SHANK2: variants seen among roughly 807,000 people sequenced by gnomAD.
SHANK2 encodes SH3 and multiple ankyrin repeat domains 2, also known as SH3 and multiple ankyrin repeat domains protein 2.
In SHANK2, 43 loss-of-function variants were observed where a neutral mutation model predicts 133.7. The observed-to-expected ratio is 0.32, with a 90% CI of 0.25 to 0.41. The LOEUF (loss-of-function observed/expected upper bound fraction) is 0.41. Among genes scored for constraint, SHANK2 ranks in the 10% least tolerant of loss-of-function variants. The pLI is 1.00. For missense variants in SHANK2, 1,994 were observed against 2,235.8 expected (o/e 0.89, Z 2.18); for synonymous variants, 1,017 against 952.8 (o/e 1.07, Z -1.24).
chr11:70,655,670 C>G (rs1463355338), intron 17 of SHANK2, among the ~76,000 whole-genome samples: 4 of 152,176 alleles, frequency 2.6e-5, no homozygotes, highest in Non-Finnish European at 5.9e-5. Flanking sequence ...AAAAGTCATT[C>G]AAGAAACAAC....
At chr11:70,581,416 T>C (rs1319488884) in intron 17 of SHANK2, among the ~76,000 whole-genome samples, 1 of 152,142 alleles carries the variant, frequency 6.6e-6, no homozygotes, top group Admixed American at 6.5e-5. Context: ...CTAGGCCAGG[T>C]ACAGTGGCTC....
chr11:70,686,423 T>A (rs1326047811), intron 15 of SHANK2, among the ~76,000 whole-genome samples: 1 of 149,358 alleles, frequency 6.7e-6, no homozygotes, highest in Non-Finnish European at 1.5e-5. Flanking sequence ...CATCTACCCA[T>A]CCATCCATTC....
rs374962428 is a variant in SHANK2 at position 71,213,644 on chromosome 11, G to A, written c.-13+11053C>T. Among the ~76,000 whole-genome samples, 285 of 152,264 alleles carry A rather than the reference G, an allele frequency of 1.9e-3. 4 individuals carry two copies. Among genetic ancestry groups the A allele is most frequent in the Non-Finnish European group, 3.6e-3 (243 of 68,024 alleles). On this transcript the variant is annotated intron_variant, in intron 2 of 25. Coordinates refer to ENST00000601538, the MANE Select transcript of SHANK2 (RefSeq NM_012309.5). ...TCTCCTTCTGATGTTCCCCACACTCGGAAACTGACTCCCTGTGGGAAAAGG... is the reference window on the plus strand; with the variant it reads ...TCTCCTTCTGATGTTCCCCACACTCAGAAACTGACTCCCTGTGGGAAAAGG...
intron 3 of SHANK2, among the ~76,000 whole-genome samples, chr11:71,133,468 G>A (rs868936778): frequency 4.0e-5 from 6 of 151,376 alleles, no homozygotes; most frequent in Admixed American, 1.3e-4. Context: ...AGGGAGGGAG[G>A]GAGAGAGAGA....
At chr11:71,236,929 C>T (rs1428564278) in intron 1 of SHANK2, among the ~76,000 whole-genome samples, 2 of 152,226 alleles carry the variant, frequency 1.3e-5, no homozygotes, top group African/African-American at 2.4e-5. Context: ...GAGGGCAACA[C>T]TGCAGGCAGC....
Position 70,485,468 on chromosome 11 carries a change from T to G in SHANK2, c.4825A>C (p.Thr1609Pro), listed in dbSNP as rs1591486174. 6.2e-7 allele frequency: 1 copy of G among 1,613,966 alleles called. No individual in the cohort carries two copies. Among genetic ancestry groups the G allele is most frequent in the East Asian group, 2.2e-5 (1 of 44,874 alleles). The change falls in exon 25 of 26, where the codon ACA becomes CCA. Residue 1609 changes from threonine to proline, a missense_variant. By Grantham distance (38) the Thr-to-Pro change is conservative. Transcript: ENST00000601538. The surrounding 1 kb of genome is among the most constrained non-coding windows in gnomAD (Gnocchi z 5.8). ...GAGAGAATCGGGCTTTTGATCTCTGTGACGTCGCCCCACAACTTGGAGGTC... is the reference window on the plus strand; with the variant it reads ...GAGAGAATCGGGCTTTTGATCTCTGGGACGTCGCCCCACAACTTGGAGGTC... Reference protein sequence around the residue: ...PRTSKLWGDVTEIKSPILSGP... With the variant: ...PRTSKLWGDVPEIKSPILSGP...
intron 14 of SHANK2, among the ~76,000 whole-genome samples, chr11:70,708,719 A>G (rs1945717349): frequency 6.6e-6 from 1 of 152,200 alleles, no homozygotes; most frequent in African/African-American, 2.4e-5. Context: ...AAGCCCTTTG[A>G]GGGGTCCCAG....
At chr11:70,811,429 G>A (rs556143064) in intron 12 of SHANK2, among the ~76,000 whole-genome samples, 3 of 152,112 alleles carry the variant, frequency 2.0e-5, no homozygotes, top group Non-Finnish European at 4.4e-5. Context: ...CCCTGCTTGA[G>A]AAGTCAGTTA....
chr11:71,199,815 C>T (rs1331200358), intron 2 of SHANK2, among the ~76,000 whole-genome samples: 1 of 152,128 alleles, frequency 6.6e-6, no homozygotes, highest in Non-Finnish European at 1.5e-5. Flanking sequence ...ACCCTGTAGC[C>T]GTGAGCTGCT....
chr11:71,141,037 C>A (rs1266069561), intron 3 of SHANK2, among the ~76,000 whole-genome samples: 1 of 152,236 alleles, frequency 6.6e-6, no homozygotes, highest in Non-Finnish European at 1.5e-5. Context: ...CCTCCTGTTC[C>A]CATCTGTAAA....
chr11:70,861,759 C>G (rs1555067837), intron 11 of SHANK2, among the ~76,000 whole-genome samples: 2 of 152,146 alleles, frequency 1.3e-5, no homozygotes. Context: ...CCAGCAGATG[C>G]TGACCTCAGG....
At chr11:70,582,131 C>A (rs7119126) in intron 17 of SHANK2, among the ~76,000 whole-genome samples, 12 of 152,310 alleles carry the variant, frequency 7.9e-5, no homozygotes, top group Admixed American at 6.5e-4. Flanking sequence ...AGACCCAGGG[C>A]GGAGAGTCCA....
At chr11:70,817,215 C>T (rs974524121) in intron 12 of SHANK2, among the ~76,000 whole-genome samples, 9 of 152,306 alleles carry the variant, frequency 5.9e-5, no homozygotes, top group Non-Finnish European at 1.3e-4. Flanking sequence ...TAGGAGGGGA[C>T]GTCAGTGCCA....
In SHANK2 at chr11:70,492,209, G is replaced by A; in HGVS notation, c.2439+126C>T. ...CTTTGTCCTGTGGCCACTTAGATTT[G>A]GGCCCCACCTCTGGACAGCACGAAC... On this transcript the variant is annotated intron_variant, in intron 22 of 25. Transcript: ENST00000601538. The A allele has an allele frequency of 3.6e-6, 5 of 1,382,264 alleles. No homozygotes were observed. The Admixed American group carries it at 8.5e-5, about 24-fold the overall frequency. 85.6% of individuals were successfully genotyped at this position (1,382,264 alleles called of 1,614,324 possible). A position where few individuals can be genotyped will look rare whatever the true frequency, so the allele number is the denominator to read the frequency against.
chr11:70,858,764 A>C (rs556515630), intron 11 of SHANK2, among the ~76,000 whole-genome samples: 1 of 152,094 alleles, frequency 6.6e-6, no homozygotes, highest in Non-Finnish European at 1.5e-5. Context: ...TAACTTTACT[A>C]CCTCTTCTCC....
chr11:71,249,372 G>C (rs1948139846), intron 1 of SHANK2, among the ~76,000 whole-genome samples: 1 of 152,112 alleles, frequency 6.6e-6, no homozygotes, highest in Non-Finnish European at 1.5e-5. Flanking sequence ...GATTCTCAAG[G>C]GTCCCTCCCT....
At chr11:70,944,298 C>A (rs1950689187) in intron 10 of SHANK2, among the ~76,000 whole-genome samples, 3 of 152,214 alleles carry the variant, frequency 2.0e-5, no homozygotes, top group Admixed American at 1.3e-4. Context: ...CCTGTGCCCA[C>A]CTAGGCCGAA....
chr11:70,781,052 G>C (rs991468636), intron 14 of SHANK2, among the ~76,000 whole-genome samples: 13 of 152,010 alleles, frequency 8.6e-5, no homozygotes, highest in Non-Finnish European at 1.8e-4. Flanking sequence ...TGGTGTTTGT[G>C]TCGGTTCTCT....
In SHANK2 at chr11:70,500,933, G is replaced by A. The variant is rs781811849; in HGVS notation, c.2288-343C>T. Among the ~76,000 whole-genome samples the A allele has an allele frequency of 2.6e-5, 4 of 152,226 alleles. No individual in the cohort carries two copies. The highest frequency in any genetic ancestry group is 4.4e-5 in the Non-Finnish European group (3 of 68,032). On this transcript the variant is annotated intron_variant, in intron 20 of 25. Coordinates refer to ENST00000601538, the MANE Select transcript of SHANK2 (RefSeq NM_012309.5). The surrounding 1 kb of genome is among the most constrained non-coding windows in gnomAD (Gnocchi z 4.5). ...CAGAGCAGACATGAGCAGAGGTGGC[G>A]GGGCCAGCCTTTAGAGTGCACCTGT...
Sources: gnomAD v4.1 joint callset for allele counts (sites outside exome capture counted in the v4.1 genomes callset) on GRCh38, gnomAD v4.1.1 for gene constraint, Gnocchi (gnomAD v3.1) non-coding constraint, MANE v1.5 for transcripts, NCBI Gene and HGNC (gene_info 2026-07-23, HGNC 2026-07-21) for gene names.